The following ZNF248 variants were observed in gnomAD, a reference collection of about 807,000 sequenced individuals.
ZNF248 encodes the protein KRAB protein domain.
ZNF248 carries 20 observed loss-of-function variants against 44.3 expected under a neutral mutation model. The observed-to-expected ratio is 0.45, with a 90% confidence interval of 0.32 to 0.66. ZNF248 has a LOEUF of 0.66. Ranked by LOEUF, ZNF248 falls within the 30% of genes least tolerant of loss-of-function variation. ZNF248 has a pLI of 0.04. For missense variants in ZNF248, 654 were observed against 677.0 expected (o/e 0.97, Z 0.38); for synonymous variants, 224 against 229.0 (o/e 0.98, Z 0.20).
At chr10:37,823,179 C>T (rs1315665535) in intron 6 of ZNF248, among the ~76,000 whole-genome samples, 2 of 151,350 alleles carry the variant, frequency 1.3e-5, no homozygotes, top group Non-Finnish European at 2.9e-5. Flanking sequence ...ACTAAAAATA[C>T]AAAAATTAGC....
At chr10:37,778,538 T>A (rs1374658145) in intron 6 of ZNF248, among the ~76,000 whole-genome samples, 2 of 152,084 alleles carry the variant, frequency 1.3e-5, no homozygotes, top group African/African-American at 4.8e-5. Flanking sequence ...CTCTTTAGTT[T>A]AATTAGATCC....
chr10:37,847,585 C>A (rs528167520), intron 3 of ZNF248, among the ~76,000 whole-genome samples: 30 of 152,134 alleles, frequency 2.0e-4, no homozygotes, highest in African/African-American at 7.0e-4. Context: ...AATGTATATA[C>A]AGAGGAGAGA....
intron 6 of ZNF248, among the ~76,000 whole-genome samples, chr10:37,791,386 T>G (rs1382857395): frequency 1.3e-5 from 2 of 152,134 alleles, no homozygotes; most frequent in Non-Finnish European, 2.9e-5. Flanking sequence ...TTTATTATGC[T>G]AGATGTGAAT....
the ZNF248 span, among the ~76,000 whole-genome samples, chr10:37,759,083 C>T: frequency 9.8e-5 from 15 of 152,346 alleles, no homozygotes; most frequent in African/African-American, 3.4e-4. Context: ...GCAGGTTTCT[C>T]ACAGCCAACA....
rs1229991471 is a variant in ZNF248 at position 37,852,583 on chromosome 10, T to A, written c.15+3713A>T. On this transcript the variant is annotated intron_variant, in intron 3 of 5. Transcript: ENST00000395867. ...AGCTATTCTGTAGTGGATAAACGAA[T>A]CTAATTTGTCACTGCACTCCAGCCT... Among the ~76,000 whole-genome samples the A allele has an allele frequency of 6.7e-5, 10 of 149,690 alleles. No homozygotes were observed. In the East Asian group the frequency reaches 1.8e-3, roughly 27 times the overall value.
intron 5 of ZNF248, 71 bp from the exon 6 acceptor site, chr10:37,833,187 A>C (rs1009289975): frequency 1.3e-6 from 2 of 1,504,630 alleles, no homozygotes; most frequent in Non-Finnish European, 1.8e-6. Context: ...CTTTTACACA[A>C]ATGCACTATC....
At chr10:37,835,688 GA>G (rs2057016783) in intron 5 of ZNF248, among the ~76,000 whole-genome samples, 1 of 152,160 alleles carries the variant, frequency 6.6e-6, no homozygotes, top group South Asian at 2.1e-4. Context: ...ATAAGGAAAA[GA>G]AAGAAGATGA....
intron 6 of ZNF248, among the ~76,000 whole-genome samples, chr10:37,784,297 T>G (rs2047631947): frequency 6.6e-6 from 1 of 152,208 alleles, no homozygotes; most frequent in Admixed American, 6.5e-5. Flanking sequence ...CATCTTAAAG[T>G]CCAGAGTATA....
At chr10:37,806,111 A>AG (rs906061444) in intron 6 of ZNF248, among the ~76,000 whole-genome samples, 6 of 152,324 alleles carry the variant, frequency 3.9e-5, no homozygotes, top group African/African-American at 1.4e-4. Context: ...TTCATCCATC[A>AG]GGGGACACAT....
intron 6 of ZNF248, among the ~76,000 whole-genome samples, chr10:37,785,887 AAAG>A (rs1355061780): frequency 4.6e-5 from 7 of 152,230 alleles, no homozygotes; most frequent in East Asian, 1.9e-4. Context: ...GAGGTCTTGT[AAAG>A]AAGAAGGGGG....
At chr10:37,777,141 G>A (rs150714792) in intron 6 of ZNF248, among the ~76,000 whole-genome samples, 1 of 152,200 alleles carries the variant, frequency 6.6e-6, no homozygotes, top group Admixed American at 6.5e-5. Context: ...CTGGAGGTAG[G>A]AAGTCATTCT....
intron 3 of ZNF248, among the ~76,000 whole-genome samples, chr10:37,852,359 G>C (rs982261780): frequency 3.3e-5 from 5 of 152,132 alleles, no homozygotes; most frequent in Non-Finnish European, 5.9e-5. Context: ...ATTGTACTGA[G>C]TGAAAAAAGC....
At chr10:37,812,572 G>A (rs1387111735) in intron 6 of ZNF248, among the ~76,000 whole-genome samples, 1 of 152,152 alleles carries the variant, frequency 6.6e-6, no homozygotes, top group Non-Finnish European at 1.5e-5. Flanking sequence ...GTTTCACCAT[G>A]CTTTGTCCCT....
the ZNF248 span, among the ~76,000 whole-genome samples, chr10:37,765,975 T>C: frequency 6.6e-6 from 1 of 152,248 alleles, no homozygotes; most frequent in African/African-American, 2.4e-5. Context: ...ACACATGGCT[T>C]GGAGGGTCCT....
At chr10:37,838,388 A>T (rs1328340845) in intron 3 of ZNF248, among the ~76,000 whole-genome samples, 1 of 152,230 alleles carries the variant, frequency 6.6e-6, no homozygotes, top group East Asian at 1.9e-4. Context: ...ACAGAATAAC[A>T]TTTATTAAGT....
intron 3 of ZNF248, among the ~76,000 whole-genome samples, chr10:37,847,224 T>A (rs2059474734): frequency 1.3e-5 from 2 of 152,126 alleles, no homozygotes; most frequent in Non-Finnish European, 2.9e-5. Context: ...TTTATTTATT[T>A]ATTTTTTGAG....
intron 6 of ZNF248, among the ~76,000 whole-genome samples, chr10:37,789,510 C>T (rs1343069624): frequency 2.6e-5 from 4 of 152,086 alleles, no homozygotes; most frequent in African/African-American, 9.7e-5. Flanking sequence ...TTTTTGATAA[C>T]CCCTTCTCAG....
chr10:37,771,223 AG>A, the ZNF248 span, among the ~76,000 whole-genome samples: 3 of 152,246 alleles, frequency 2.0e-5, no homozygotes, highest in Admixed American at 6.5e-5. Context: ...GTGATTCCTC[AG>A]GGATCTAGAA....
intron 6 of ZNF248, among the ~76,000 whole-genome samples, chr10:37,788,135 G>C (rs937243275): frequency 3.3e-5 from 5 of 151,152 alleles, no homozygotes; most frequent in African/African-American, 1.2e-4. Flanking sequence ...TGTAGTGGTG[G>C]GTGCCTATAG....
Sources: allele counts gnomAD v4.1 joint callset (sites outside exome capture counted in the v4.1 genomes callset), GRCh38; gene constraint gnomAD v4.1.1; transcripts MANE v1.5; gene names NCBI Gene and HGNC (gene_info 2026-07-23, HGNC 2026-07-21).